The following RABL3 variants were observed in gnomAD, a reference collection of about 807,000 sequenced individuals.
The protein encoded by RABL3 is RAB, member of RAS oncogene family like 3.
RABL3 carries 31 observed loss-of-function variants against 31.8 expected under a neutral mutation model. That is an observed-to-expected ratio of 0.97 (90% CI 0.73 to 1.31). The LOEUF is 1.31. Among genes scored for constraint, RABL3 ranks in the 40% most tolerant of loss-of-function variants. The probability of loss-of-function intolerance (pLI) is 0.00; values close to 1 mark genes in which losing one functional copy is unlikely to be tolerated. For missense variants in RABL3, 263 were observed against 279.6 expected, an observed-to-expected ratio of 0.94 and a Z score of 0.42; for synonymous variants, 97 against 99.9, an observed-to-expected ratio of 0.97 and a Z score of 0.18.
upstream of RABL3, chr3:120,742,555 C>G: frequency 6.3e-7 from 1 of 1,598,936 alleles, no homozygotes; most frequent in Non-Finnish European, 8.6e-7. Context: ...GATTGTAAGC[C>G]AATCAGAGTT....
At chr3:120,694,309 C>T in intron 5 of RABL3, 85 bp from the exon 6 acceptor site, 1 of 853,672 alleles carries the variant, frequency 1.2e-6, no homozygotes, top group South Asian at 1.5e-5. Context: ...TTGCATATTT[C>T]TGTAGGCATA....
chr3:120,729,403 T>C (rs1708857593), intron 2 of RABL3, among the ~76,000 whole-genome samples: 2 of 152,138 alleles, frequency 1.3e-5, no homozygotes, highest in Admixed American at 6.6e-5. Context: ...CTGTTGAAGA[T>C]GTGATCATCT....
At chr3:120,738,748 A>G (rs1282485172) in intron 1 of RABL3, 1 of 152,202 alleles carries the variant, frequency 6.6e-6, no homozygotes, top group Non-Finnish European at 1.5e-5. Context: ...CATTTAAAGT[A>G]TCTCCATAGT....
At chr3:120,709,257 T>TG (rs1231212429) in intron 3 of RABL3, among the ~76,000 whole-genome samples, 1 of 152,078 alleles carries the variant, frequency 6.6e-6, no homozygotes, top group Non-Finnish European at 1.5e-5. Context: ...CAGCTCCATC[T>TG]GGAAGTCTGC....
At chr3:120,736,317 T>C (rs1293037275) in intron 1 of RABL3, among the ~76,000 whole-genome samples, 1 of 152,238 alleles carries the variant, frequency 6.6e-6, no homozygotes, top group Non-Finnish European at 1.5e-5. Context: ...TTTGTCTCTT[T>C]TGATCTTTGT....
chr3:120,702,566 T>C (rs919748730), intron 4 of RABL3, among the ~76,000 whole-genome samples: 9 of 151,724 alleles, frequency 5.9e-5, no homozygotes, highest in Non-Finnish European at 1.5e-5. Context: ...TTTTCTTTTT[T>C]TTTTTTTTTG....
Position 120,688,659 on chromosome 3 carries a change from A to G in RABL3, c.*1164T>C, listed in dbSNP as rs1329736452. On this transcript the variant is annotated 3_prime_UTR_variant, in exon 8 of 8. Transcript: ENST00000273375. ...GAGTGCAGAGACCTGCAGCAGAGCC[A>G]GAGAGAGAATACGGGTGATAGAGTG... 1 of 152,246 alleles carries G rather than the reference A, an allele frequency of 6.6e-6. No homozygotes were observed. Among genetic ancestry groups the G allele is most frequent in the Non-Finnish European group, 1.5e-5 (1 of 68,048 alleles). The allele number at this position is 152,246 out of a possible 1,614,324, so 9.4% of individuals were successfully genotyped here.
At position 120,698,524 on chromosome 3, in the gene RABL3, T is replaced by C. The variant is rs371371208; in HGVS notation, c.433A>G (p.Ile145Val). Residue 145 changes from isoleucine (I) to valine (V), a missense_variant, in exon 5 of 8, where the codon ATA becomes GTA. Transcript: ENST00000273375. The stretch of plus-strand genomic sequence containing the variant: ...TGAATCTGGTCCAGTTTAGTCCCTA[T>C]TACCAACAGTGGTATTTGGTTATCA... ...FADNQIPLLV[I>V]GTKLDQIHET... is the part of the protein sequence containing the mutation. 4.3e-6 allele frequency: 7 copies of C among 1,613,380 alleles called. No individual in the cohort carries two copies. In the South Asian group the frequency reaches 4.4e-5, roughly 10 times the overall value.
chr3:120,713,048 T>C (rs1341784380), intron 2 of RABL3, among the ~76,000 whole-genome samples: 1 of 152,106 alleles, frequency 6.6e-6, no homozygotes. Flanking sequence ...TTTCTCTAAA[T>C]TATTTCAAGT....
chr3:120,686,080 A>T lies in RABL3; in HGVS notation c.*3743T>A, dbSNP rs1387969475. ...TAACATCAGATATTTTGTGTAGGCA[A>T]ACATGTTGTGAAATATTTGAGACAC... On this transcript the variant is annotated 3_prime_UTR_variant, in exon 8 of 8. Transcript: ENST00000273375. Among the ~76,000 whole-genome samples the T allele has an allele frequency of 1.3e-5, 2 of 152,176 alleles. No individual in the cohort carries two copies. Among genetic ancestry groups the T allele is most frequent in the African/African-American group, 4.8e-5 (2 of 41,430 alleles).
intron 2 of RABL3, among the ~76,000 whole-genome samples, chr3:120,714,891 T>C (rs532795595): frequency 6.6e-6 from 1 of 152,346 alleles, no homozygotes; most frequent in East Asian, 1.9e-4. Flanking sequence ...AACCTTTTTC[T>C]AAATTTTCTC....
At chr3:120,697,819 C>A (rs1160540275) in intron 5 of RABL3, among the ~76,000 whole-genome samples, 6 of 152,084 alleles carry the variant, frequency 3.9e-5, no homozygotes, top group Non-Finnish European at 4.4e-5. Flanking sequence ...CTTATAGTGC[C>A]ACTTTAATCA....
intron 1 of RABL3, among the ~76,000 whole-genome samples, chr3:120,739,572 T>C (rs1709016685): frequency 6.6e-6 from 1 of 152,208 alleles, no homozygotes; most frequent in Non-Finnish European, 1.5e-5. Flanking sequence ...TCTTTATCTA[T>C]TAAATATATT....
At chr3:120,716,774 A>G (rs1229067747) in intron 2 of RABL3, among the ~76,000 whole-genome samples, 1 of 152,250 alleles carries the variant, frequency 6.6e-6, no homozygotes, top group Non-Finnish European at 1.5e-5. Flanking sequence ...GCTACAGGTA[A>G]CAGTGCTCTC....
intron 1 of RABL3, among the ~76,000 whole-genome samples, chr3:120,734,308 AT>A (rs1186636100): frequency 6.6e-6 from 1 of 152,186 alleles, no homozygotes; most frequent in African/African-American, 2.4e-5. Flanking sequence ...CTTTGAAGCA[AT>A]TGTGAATGGG....
intron 4 of RABL3, among the ~76,000 whole-genome samples, chr3:120,700,096 T>C (rs1467734392): frequency 1.3e-5 from 2 of 152,206 alleles, no homozygotes; most frequent in Non-Finnish European, 2.9e-5. Context: ...TTTCTCTTTT[T>C]AGCTTTCCTT....
chr3:120,701,144 G>A (rs561266739), intron 4 of RABL3, among the ~76,000 whole-genome samples: 4 of 152,006 alleles, frequency 2.6e-5, no homozygotes, highest in South Asian at 2.1e-4. Context: ...GGAGGTATAC[G>A]ATATATATTC....
intron 5 of RABL3, among the ~76,000 whole-genome samples, chr3:120,694,747 A>G (rs547266843): frequency 1.3e-5 from 2 of 152,160 alleles, no homozygotes; most frequent in Non-Finnish European, 2.9e-5. Flanking sequence ...GCAAGGTACT[A>G]CATCTTTTGG....
At chr3:120,689,964 T>A in intron 7 of RABL3, 76 bp from the exon 8 acceptor site, 1 of 1,229,296 alleles carries the variant, frequency 8.1e-7, no homozygotes, top group Non-Finnish European at 1.2e-6. Flanking sequence ...TTTCCCTTCT[T>A]TTCCATTTCT....
Sources: allele counts gnomAD v4.1 joint callset (sites outside exome capture counted in the v4.1 genomes callset), GRCh38; gene constraint gnomAD v4.1.1; transcripts MANE v1.5; gene names NCBI Gene and HGNC (gene_info 2026-07-23, HGNC 2026-07-21).